BAALC: variants seen among roughly 807,000 people sequenced by gnomAD.
BAALC encodes brain and acute leukemia cytoplasmic protein.
A neutral mutation model predicts 15.5 loss-of-function variants in BAALC; 9 were observed. That is an observed-to-expected ratio of 0.58 (90% CI 0.35 to 1.02). The LOEUF (loss-of-function observed/expected upper bound fraction) is 1.02, where lower values mean the gene tolerates loss of function less well. BAALC is among the 50% of genes least tolerant of loss of function. The pLI is 0.02. For missense variants in BAALC, 201 were observed against 192.4 expected, an observed-to-expected ratio of 1.04 and a Z score of -0.27; for synonymous variants, 80 against 74.6, an observed-to-expected ratio of 1.07 and a Z score of -0.37.
rs182125009 is a variant in BAALC at position 103,146,491 on chromosome 8, T to C, written c.160+5434T>C. Among the ~76,000 whole-genome samples, 156 of 152,336 alleles carry C rather than the reference T, an allele frequency of 1.0e-3. 1 individual carries two copies. Among genetic ancestry groups the C allele is most frequent in the Admixed American group, 1.6e-3 (24 of 15,306 alleles). ...CGTCAAGGATGACTGTTAGGTTTGG[T>C]AAGGCAAGGGTTCTGTTGGGTTAGA... is the stretch of plus-strand genomic sequence containing the variant. On this transcript the variant is annotated intron_variant, in intron 1 of 2. Coordinates refer to ENST00000309982, the MANE Select transcript of BAALC (RefSeq NM_024812.3).
At chr8:103,186,008 C>G (rs973230200) in intron 1 of BAALC, among the ~76,000 whole-genome samples, 4 of 152,166 alleles carry the variant, frequency 2.6e-5, no homozygotes, top group African/African-American at 9.7e-5. Context: ...TTAGTTCTCA[C>G]TGTGGCCCAC....
At chr8:103,220,037 G>A (rs538083083) in intron 2 of BAALC, among the ~76,000 whole-genome samples, 26 of 152,064 alleles carry the variant, frequency 1.7e-4, no homozygotes, top group South Asian at 8.3e-4. Flanking sequence ...TAGATATCTG[G>A]TCAACATGGC....
intron 1 of BAALC, among the ~76,000 whole-genome samples, chr8:103,170,637 A>G (rs781066102): frequency 6.6e-6 from 1 of 152,230 alleles, no homozygotes; most frequent in Non-Finnish European, 1.5e-5. Flanking sequence ...CAGTTCCTCC[A>G]GAAGGAAGCA....
intron 1 of BAALC, among the ~76,000 whole-genome samples, chr8:103,151,912 T>C (rs1810995241): frequency 6.6e-6 from 1 of 152,126 alleles, no homozygotes; most frequent in South Asian, 2.1e-4. Flanking sequence ...CTGACAAGGT[T>C]GCCCCTTGTT....
chr8:103,198,795 C>T (rs1812150854), intron 1 of BAALC, among the ~76,000 whole-genome samples: 1 of 151,920 alleles, frequency 6.6e-6, no homozygotes, highest in Non-Finnish European at 1.5e-5. Flanking sequence ...TCTGTAGTTC[C>T]AGCAACTCAG....
At chr8:103,205,671 C>T (rs1391158106) in intron 1 of BAALC, among the ~76,000 whole-genome samples, 1 of 152,120 alleles carries the variant, frequency 6.6e-6, no homozygotes, top group East Asian at 1.9e-4. Flanking sequence ...TGGGCCCCTA[C>T]TGAATCAGAA....
intron 1 of BAALC, chr8:103,200,562 A>C: frequency 2.2e-6 from 1 of 462,442 alleles, no homozygotes; most frequent in Non-Finnish European, 3.9e-6. Context: ...TCAACCAAAG[A>C]GTAAAAGACA....
In BAALC at chr8:103,180,670, A is replaced by T. The variant is rs140407626; in HGVS notation, c.161-32249A>T. On this transcript the variant is annotated intron_variant, in intron 1 of 2. Transcript: ENST00000309982. ...ATTAGACAAAATAAGGGCCAGAGCA[A>T]GATGCAAAGTGGAGATGCTGCCCGC... is the stretch of plus-strand genomic sequence containing the variant. Among the ~76,000 whole-genome samples, 43 of 152,340 alleles carry T rather than the reference A, an allele frequency of 2.8e-4. No homozygotes were observed. The East Asian group carries it at 7.9e-3, about 28-fold the overall frequency.
chr8:103,166,489 C>A (rs1811349753), intron 1 of BAALC, among the ~76,000 whole-genome samples: 1 of 152,040 alleles, frequency 6.6e-6, no homozygotes, highest in Non-Finnish European at 1.5e-5. Flanking sequence ...GTATGGGAGA[C>A]AACGGGCCTG....
chr8:103,183,941 A>G (rs1403912434), intron 1 of BAALC, among the ~76,000 whole-genome samples: 1 of 152,188 alleles, frequency 6.6e-6, no homozygotes, highest in Non-Finnish European at 1.5e-5. Flanking sequence ...TAAATGTATT[A>G]TCTCCCAGCT....
chr8:103,186,103 C>A (rs1421831347), intron 1 of BAALC, among the ~76,000 whole-genome samples: 1 of 152,140 alleles, frequency 6.6e-6, no homozygotes, highest in Non-Finnish European at 1.5e-5. Flanking sequence ...GGCAAGGGAC[C>A]CAGCCTCATT....
intron 1 of BAALC, among the ~76,000 whole-genome samples, chr8:103,203,130 T>C (rs1238935354): frequency 6.6e-6 from 1 of 152,232 alleles, no homozygotes; most frequent in Non-Finnish European, 1.5e-5. Flanking sequence ...AGCAGGCTCC[T>C]GCCTCACATG....
intron 1 of BAALC, among the ~76,000 whole-genome samples, chr8:103,145,769 A>G (rs1303390016): frequency 2.0e-5 from 3 of 152,248 alleles, no homozygotes; most frequent in Non-Finnish European, 4.4e-5. Context: ...TACAGTGACT[A>G]GAACGTAGGT....
intron 2 of BAALC, among the ~76,000 whole-genome samples, chr8:103,227,199 T>G (rs1388062351): frequency 2.0e-5 from 3 of 152,180 alleles, no homozygotes; most frequent in Non-Finnish European, 4.4e-5. Context: ...GTGTGTGTAT[T>G]TGTGATAATC....
chr8:103,221,401 G>A (rs1443283742), intron 2 of BAALC, among the ~76,000 whole-genome samples: 1 of 151,634 alleles, frequency 6.6e-6, no homozygotes, highest in Non-Finnish European at 1.5e-5. Context: ...AGGAAGGATT[G>A]GCACAGCTGC....
intron 2 of BAALC, among the ~76,000 whole-genome samples, chr8:103,218,787 G>C (rs896760074): frequency 6.6e-6 from 1 of 152,030 alleles, no homozygotes. Flanking sequence ...GTTTTCTCCC[G>C]CTCCTCCTCC....
intron 1 of BAALC, among the ~76,000 whole-genome samples, chr8:103,187,869 T>C (rs1811878276): frequency 2.4e-5 from 3 of 123,986 alleles, no homozygotes; most frequent in African/African-American, 6.0e-5. Flanking sequence ...CCAGCTTCCA[T>C]GCAAACAAGA....
chr8:103,189,243 T>C (rs896938316), intron 1 of BAALC, among the ~76,000 whole-genome samples: 19 of 152,262 alleles, frequency 1.2e-4, no homozygotes, highest in African/African-American at 3.9e-4. Context: ...ACCTAAGATA[T>C]AGCTTCACCT....
intron 1 of BAALC, among the ~76,000 whole-genome samples, chr8:103,156,511 C>T (rs574973465): frequency 6.6e-6 from 1 of 152,264 alleles, no homozygotes; most frequent in Admixed American, 6.5e-5. Context: ...ATGCCTTAAT[C>T]CCTTCAGCAC....
Sources: allele counts gnomAD v4.1 joint callset (sites outside exome capture counted in the v4.1 genomes callset), GRCh38; gene constraint gnomAD v4.1.1; transcripts MANE v1.5; gene names NCBI Gene and HGNC (gene_info 2026-07-23, HGNC 2026-07-21).